The following HPGD variants were observed in gnomAD, a reference collection of about 807,000 sequenced individuals.
HPGD encodes 15-hydroxyprostaglandin dehydrogenase.
HPGD carries 29 observed loss-of-function variants against 30.0 expected under a neutral mutation model. The observed-to-expected ratio is 0.97, with a 90% CI of 0.72 to 1.32. The LOEUF (loss-of-function observed/expected upper bound fraction) is 1.32. Among genes scored for constraint, HPGD ranks in the 40% most tolerant of loss-of-function variants. The pLI, the probability that HPGD is intolerant of heterozygous loss-of-function variation, is 0.00. For synonymous variants in HPGD, 99 were observed against 112.4 expected (o/e 0.88, Z 0.75); for missense variants, 340 against 322.1 (o/e 1.06, Z -0.43).
Position 174,522,075 on chromosome 4 carries a change from C to CA in HPGD, c.94-9dup. 1 of 1,614,172 alleles carries CA rather than the reference C, an allele frequency of 6.2e-7. No homozygotes were observed. Among genetic ancestry groups the CA allele is most frequent in the Middle Eastern group, 1.6e-4 (1 of 6,062 alleles). On this transcript the variant is annotated splice_polypyrimidine_tract_variant and intron_variant, in intron 1 of 6. Transcript: ENST00000296522. ...CCAATCCACCAGCGCTACCTATAGA[C>CA]AAGAGGAGAGGAATCGCGGGCCTGC...
intron 3 of HPGD, among the ~76,000 whole-genome samples, chr4:174,510,985 T>G (rs1735461834): frequency 6.6e-6 from 1 of 152,196 alleles, no homozygotes; most frequent in African/African-American, 2.4e-5. Flanking sequence ...TGTAATTTAT[T>G]GAATAAATTC....
chr4:174,517,625 T>C (rs1256989247), intron 3 of HPGD, among the ~76,000 whole-genome samples: 1 of 152,160 alleles, frequency 6.6e-6, no homozygotes, highest in Admixed American at 6.5e-5. Flanking sequence ...TTCTTTTGAA[T>C]TTATCCACCA....
At chr4:174,522,535 G>A (rs891596704), upstream of HPGD, 12 of 1,049,514 alleles carry the variant, frequency 1.1e-5, no homozygotes, top group East Asian at 3.0e-5. Flanking sequence ...GCGCGCGCGC[G>A]CGTGCAGCCC....
chr4:174,492,020 G>T lies in HPGD; in HGVS notation c.737C>A (p.Thr246Lys). Residue 246 changes from threonine (T) to lysine (K), a missense_variant, in exon 7 of 7, where the codon ACA (threonine) becomes AAA (lysine). By Grantham distance (78) the Thr-to-Lys change is moderately conservative. Transcript: ENST00000296522. The surrounding 1 kb of genome is among the most constrained non-coding windows in gnomAD (Gnocchi z 4.9). ...TTGAAAATGAATTCCCTTAGAAGTTGTGATCTTCATAATAGCACCATTTAA... is the reference window on the plus strand; with the variant it reads ...TTGAAAATGAATTCCCTTAGAAGTTTTGATCTTCATAATAGCACCATTTAA... ...DALNGAIMKI[T>K]TSKGIHFQDY... 1 of 1,609,710 alleles carries T rather than the reference G, an allele frequency of 6.2e-7. No homozygotes were observed. The highest frequency in any genetic ancestry group is 8.5e-7 in the Non-Finnish European group (1 of 1,176,336).
intron 2 of HPGD, among the ~76,000 whole-genome samples, chr4:174,521,408 T>G (rs1040312231): frequency 1.3e-5 from 2 of 152,188 alleles, no homozygotes; most frequent in African/African-American, 2.4e-5. Context: ...TTATGATTAC[T>G]ATTATTATTA....
At chr4:174,497,764 G>A (rs1734703498) in intron 4 of HPGD, among the ~76,000 whole-genome samples, 1 of 151,368 alleles carries the variant, frequency 6.6e-6, no homozygotes, top group Non-Finnish European at 1.5e-5. Flanking sequence ...TTTTAGTAGA[G>A]ATGGGGTTTC....
In HPGD at chr4:174,517,997, A is replaced by G. The variant is rs1234730567; in HGVS notation, c.298T>C (p.Trp100Arg). Residue 100 changes from tryptophan (W) to arginine (R), a missense_variant, in exon 3 of 7, where the codon TGG becomes CGG. Physicochemically the swap from Trp to Arg is moderately radical, Grantham distance 101. Coordinates refer to ENST00000296522, the MANE Select transcript of HPGD (RefSeq NM_000860.6). Reference protein sequence around the residue: ...NNAGVNNEKNWEKTLQINLVS... With the variant: ...NNAGVNNEKNREKTLQINLVS... ...AAATTAATTTGCAGAGTTTTTTCCC[A>G]GTTTTTCTCATTATTCACTCCAGCA... 14 of 1,591,954 alleles carry G rather than the reference A, an allele frequency of 8.8e-6. No homozygotes were observed. Among genetic ancestry groups the G allele is most frequent in the African/African-American group, 1.3e-5 (1 of 74,502 alleles).
intron 1 of HPGD, 54 bp from the exon 2 acceptor site, chr4:174,522,121 A>T: frequency 6.2e-7 from 1 of 1,613,192 alleles, no homozygotes; most frequent in Non-Finnish European, 8.5e-7. Context: ...AAATAGACGG[A>T]CAAACAATAA....
chr4:174,516,694 G>T (rs966291806), intron 3 of HPGD, among the ~76,000 whole-genome samples: 2 of 152,092 alleles, frequency 1.3e-5, no homozygotes, highest in Non-Finnish European at 2.9e-5. Context: ...AAAACTAAAA[G>T]AAAACTGTAT....
At chr4:174,514,549 A>G (rs967714059) in intron 3 of HPGD, among the ~76,000 whole-genome samples, 1 of 152,154 alleles carries the variant, frequency 6.6e-6, no homozygotes, top group Non-Finnish European at 1.5e-5. Context: ...AGTAACATAA[A>G]GCAAACATCT....
intron 4 of HPGD, among the ~76,000 whole-genome samples, chr4:174,502,040 T>C (rs1253574770): frequency 6.6e-6 from 1 of 152,108 alleles, no homozygotes; most frequent in Non-Finnish European, 1.5e-5. Context: ...GGGAAATAAA[T>C]GGTGAATCTA....
At chr4:174,508,829 C>A in intron 3 of HPGD, 37 bp from the exon 4 acceptor site, 1 of 1,090,956 alleles carries the variant, frequency 9.2e-7, no homozygotes, top group South Asian at 1.2e-5. Context: ...GGAATACAGT[C>A]ATTATCCTTT....
Position 174,492,267 on chromosome 4 carries a change from GA to G in HPGD, c.663-174del, listed in dbSNP as rs1351120050. 6.6e-6 allele frequency among the ~76,000 whole-genome samples: 1 copy of G among 151,792 alleles called. No individual in the cohort carries two copies. The highest frequency in any genetic ancestry group is 1.5e-5 in the Non-Finnish European group (1 of 67,834). ...AATTCCATATTAGATATCTAGATTAGATATCTTATTTATCTAATTTATTCAA... is the reference window on the plus strand; with the variant it reads ...AATTCCATATTAGATATCTAGATTAGTATCTTATTTATCTAATTTATTCAA... On this transcript the variant is annotated intron_variant, in intron 6 of 6. Coordinates refer to ENST00000296522, the MANE Select transcript of HPGD (RefSeq NM_000860.6). This position sits in a 1 kb window ranked among gnomAD's most constrained non-coding sequence, Gnocchi z 4.9.
intron 3 of HPGD, among the ~76,000 whole-genome samples, chr4:174,513,365 C>A (rs1735605971): frequency 6.6e-6 from 1 of 151,896 alleles, no homozygotes; most frequent in South Asian, 2.1e-4. Flanking sequence ...GCCATATTTT[C>A]AAAATTTTTG....
chr4:174,521,906 G>A (rs1361564797), intron 2 of HPGD, 38 bp downstream of exon 2: 4 of 1,613,028 alleles, frequency 2.5e-6, no homozygotes, highest in Non-Finnish European at 3.4e-6. Flanking sequence ...CTTGTTGAGA[G>A]CACGTTCCCA....
chr4:174,508,101 A>G (rs1452582809), intron 4 of HPGD: 1 of 702,164 alleles, frequency 1.4e-6, no homozygotes, highest in East Asian at 2.7e-5. Flanking sequence ...CAGCAGTTCT[A>G]AAGTAACCCT....
intron 3 of HPGD, among the ~76,000 whole-genome samples, chr4:174,511,214 A>AG (rs945234231): frequency 2.2e-4 from 20 of 90,554 alleles, no homozygotes; most frequent in Middle Eastern, 6.7e-3. Context: ...AGTGCATTTC[A>AG]GAAAAAAAAA....
intron 3 of HPGD, among the ~76,000 whole-genome samples, chr4:174,516,489 T>TGAAGGGTGGGA (rs1208876298): frequency 1.3e-5 from 2 of 151,980 alleles, no homozygotes; most frequent in Non-Finnish European, 2.9e-5. Flanking sequence ...TACTTGAGGA[T>TGAAGGGTGGGA]GAAGGGTGGG....
Position 174,490,417 on chromosome 4 carries a change from T to A in HPGD, c.*1539A>T, listed in dbSNP as rs550793610. The A allele has an allele frequency of 6.6e-5, 10 of 152,400 alleles. No individual in the cohort carries two copies. In the East Asian group the frequency reaches 1.9e-3, roughly 29 times the overall value. 9.4% of individuals were successfully genotyped at this position (152,400 alleles called of 1,614,324 possible). ...TATTGAAGGCTACTAGTCCAAAAAA[T>A]TGTCCATAAATGAAAAGGTTATACT... On this transcript the variant is annotated 3_prime_UTR_variant, in exon 7 of 7. Transcript: ENST00000296522. The surrounding 1 kb of genome is among the most constrained non-coding windows in gnomAD (Gnocchi z 4.4).
Sources: gnomAD v4.1 joint callset for allele counts (sites outside exome capture counted in the v4.1 genomes callset) on GRCh38, gnomAD v4.1.1 for gene constraint, Gnocchi (gnomAD v3.1) non-coding constraint, MANE v1.5 for transcripts, NCBI Gene and HGNC (gene_info 2026-07-23, HGNC 2026-07-21) for gene names.